The following PPP2R2B variants were observed in gnomAD, a reference collection of about 807,000 sequenced individuals.
PPP2R2B encodes protein phosphatase 2 regulatory subunit Bbeta.
In PPP2R2B, 5 loss-of-function variants were observed where a neutral mutation model predicts 46.0. The observed-to-expected ratio is 0.11, with a 90% CI of 0.06 to 0.23. The LOEUF is 0.23. PPP2R2B is among the 10% of genes least tolerant of loss of function. PPP2R2B has a pLI of 1.00. For missense variants in PPP2R2B, 367 were observed against 575.0 expected (o/e 0.64, Z 3.70); for synonymous variants, 215 against 206.7 (o/e 1.04, Z -0.34).
intron 2 of PPP2R2B, among the ~76,000 whole-genome samples, chr5:146,798,674 T>C (rs1032665695): frequency 6.6e-6 from 1 of 152,222 alleles, no homozygotes; most frequent in African/African-American, 2.4e-5. Flanking sequence ...CAACTAATAT[T>C]GACTCAGCAC....
chr5:146,842,543 A>G (rs1483117119), intron 2 of PPP2R2B, among the ~76,000 whole-genome samples: 1 of 149,452 alleles, frequency 6.7e-6, no homozygotes, highest in Non-Finnish European at 1.5e-5. Flanking sequence ...TTTTTTACAT[A>G]GAAAAACATG....
chr5:146,804,394 C>T (rs964845738), intron 2 of PPP2R2B, among the ~76,000 whole-genome samples: 6 of 152,068 alleles, frequency 3.9e-5, no homozygotes, highest in Non-Finnish European at 1.5e-5. Flanking sequence ...CTGGCAGACC[C>T]GGGACTGGAA....
chr5:147,056,457 T>G (rs373858347), upstream of PPP2R2B, among the ~76,000 whole-genome samples: 10 of 152,338 alleles, frequency 6.6e-5, no homozygotes, highest in South Asian at 2.1e-3. Context: ...TGCCTCTTTC[T>G]TCCCCTGCCA....
At chr5:146,617,726 G>C (rs184233521) in intron 7 of PPP2R2B, among the ~76,000 whole-genome samples, 5 of 145,200 alleles carry the variant, frequency 3.4e-5, no homozygotes, top group Non-Finnish European at 7.4e-5. Context: ...GCAGAGTCTC[G>C]CTCTGTCACC....
chr5:146,798,659 A>G (rs1189040410), intron 2 of PPP2R2B, among the ~76,000 whole-genome samples: 1 of 152,238 alleles, frequency 6.6e-6, no homozygotes. Flanking sequence ...AATTATCAAC[A>G]GTAGCAACTA....
chr5:146,803,858 A>G (rs967795999), intron 2 of PPP2R2B, among the ~76,000 whole-genome samples: 25 of 152,186 alleles, frequency 1.6e-4, no homozygotes, highest in Middle Eastern at 3.2e-3. Context: ...GTTGTGAGGA[A>G]ATCAGGTAAT....
chr5:146,776,831 G>A lies in PPP2R2B; in HGVS notation c.71-75689C>T, dbSNP rs546105662. ...GACAAACAACCCAAATAAAAAATGG[G>A]CAAAGGAATTGAATACATGTTTTCT... On this transcript the variant is annotated intron_variant, in intron 2 of 9. Coordinates refer to ENST00000394411, the MANE Select transcript of PPP2R2B (RefSeq NM_181675.4). Among the ~76,000 whole-genome samples, 16 of 151,996 alleles carry A rather than the reference G, an allele frequency of 1.1e-4. 1 individual carries two copies. The South Asian group carries it at 3.3e-3, about 32-fold the overall frequency.
intron 6 of PPP2R2B, among the ~76,000 whole-genome samples, chr5:146,647,015 G>T (rs1775624760): frequency 6.6e-6 from 1 of 152,102 alleles, no homozygotes; most frequent in African/African-American, 2.4e-5. Context: ...TCACTTGTTG[G>T]ACTCTGAAGC....
intron 1 of PPP2R2B, among the ~76,000 whole-genome samples, chr5:146,934,583 G>GAAAAAAAAAAAAA (rs3062352): frequency 6.4e-5 from 2 of 31,490 alleles, no homozygotes; most frequent in Non-Finnish European, 1.3e-4. Context: ...TTTTTCATAA[G>GAAAAAAAAAAAAA]AAAAAAAAAA....
Position 146,639,623 on chromosome 5 carries a change from G to A in PPP2R2B, c.626-1208C>T, listed in dbSNP as rs1475056218. Among the ~76,000 whole-genome samples, 5 of 152,286 alleles carry A rather than the reference G, an allele frequency of 3.3e-5. No individual in the cohort carries two copies. The East Asian group carries it at 7.7e-4, about 24-fold the overall frequency. On this transcript the variant is annotated intron_variant, in intron 6 of 9. Transcript: ENST00000394411. ...CTTGTGATGTGGATGCTGTTACACA[G>A]TAAAGCTGACCAACAGGACTCCCAC...
intron 2 of PPP2R2B, among the ~76,000 whole-genome samples, chr5:146,812,297 T>G (rs1427818090): frequency 6.6e-6 from 1 of 150,640 alleles, no homozygotes; most frequent in African/African-American, 2.4e-5. Flanking sequence ...TGCCTCAAAA[T>G]AACAAAGTTT....
intron 2 of PPP2R2B, among the ~76,000 whole-genome samples, chr5:146,788,975 A>G (rs1334019243): frequency 1.3e-5 from 2 of 152,188 alleles, no homozygotes; most frequent in African/African-American, 4.8e-5. Context: ...TGTTGAATAA[A>G]TGAATAAAAT....
intron 5 of PPP2R2B, among the ~76,000 whole-genome samples, chr5:146,669,764 G>C (rs1453778961): frequency 6.6e-6 from 1 of 152,148 alleles, no homozygotes; most frequent in Non-Finnish European, 1.5e-5. Flanking sequence ...TTAAAGAGCT[G>C]AGGCTCAGTG....
intron 1 of PPP2R2B, among the ~76,000 whole-genome samples, chr5:146,943,489 G>A (rs2915844): frequency 0.22 from 32,898 of 152,102 alleles, 4,400 homozygotes; most frequent in African/African-American, 0.38. Context: ...TTCAGCCCAT[G>A]AGGTTGTAAG....
intron 9 of PPP2R2B, among the ~76,000 whole-genome samples, chr5:146,591,790 G>A (rs1219646129): frequency 6.6e-6 from 1 of 150,784 alleles, no homozygotes; most frequent in African/African-American, 2.4e-5. Flanking sequence ...TGTTACTTTT[G>A]TCTCTACTAC....
At chr5:146,992,855 A>G (rs1452642629) in intron 1 of PPP2R2B, among the ~76,000 whole-genome samples, 1 of 152,236 alleles carries the variant, frequency 6.6e-6, no homozygotes, top group Non-Finnish European at 1.5e-5. Context: ...GGTAGATAAT[A>G]TTATATGTAG....
intron 2 of PPP2R2B, among the ~76,000 whole-genome samples, chr5:147,062,100 A>G (rs1757277191): frequency 6.6e-6 from 1 of 152,124 alleles, no homozygotes; most frequent in African/African-American, 2.4e-5. Flanking sequence ...AGATTATAAT[A>G]CCGTATTTTT....
At chr5:146,683,429 T>C (rs1475599171) in intron 5 of PPP2R2B, among the ~76,000 whole-genome samples, 1 of 152,214 alleles carries the variant, frequency 6.6e-6, no homozygotes, top group Admixed American at 6.5e-5. Flanking sequence ...CCGTCTAACC[T>C]AAGGCAAGTT....
chr5:146,684,979 T>C (rs193121808), intron 5 of PPP2R2B, among the ~76,000 whole-genome samples: 1 of 152,338 alleles, frequency 6.6e-6, no homozygotes, highest in Non-Finnish European at 1.5e-5. Context: ...ATTCATTTTA[T>C]GTTTCAGCCA....
Sources: allele counts gnomAD v4.1 joint callset (sites outside exome capture counted in the v4.1 genomes callset), GRCh38; gene constraint gnomAD v4.1.1; transcripts MANE v1.5; gene names NCBI Gene and HGNC (gene_info 2026-07-23, HGNC 2026-07-21).